The following RCAN2 variants were observed in gnomAD, a reference collection of about 807,000 sequenced individuals.
RCAN2 encodes calcipressin-2.
In RCAN2, 9 loss-of-function variants were observed where a neutral mutation model predicts 23.6. The ratio of observed to expected loss-of-function variants is 0.38; its 90% CI spans 0.23 to 0.67. RCAN2 has a LOEUF of 0.67. Ranked by LOEUF, RCAN2 falls within the 30% of genes least tolerant of loss-of-function variation. RCAN2 has a pLI of 0.51. For missense variants in RCAN2, 273 were observed against 302.3 expected (o/e 0.90, Z 0.72); for synonymous variants, 109 against 115.7 (o/e 0.94, Z 0.37).
intron 2 of RCAN2, among the ~76,000 whole-genome samples, chr6:46,334,018 C>T (rs1266105809): frequency 2.0e-5 from 3 of 152,220 alleles, no homozygotes; most frequent in Admixed American, 1.3e-4. Flanking sequence ...AAAACACATT[C>T]TCACCTCAGG....
chr6:46,404,992 T>C (rs1233871551), intron 2 of RCAN2, among the ~76,000 whole-genome samples: 5 of 152,226 alleles, frequency 3.3e-5, no homozygotes, highest in Non-Finnish European at 5.9e-5. Context: ...AATTGCAATC[T>C]GCTAAGACTC....
chr6:46,276,183 C>A (rs1767693324), intron 2 of RCAN2, among the ~76,000 whole-genome samples: 1 of 151,134 alleles, frequency 6.6e-6, no homozygotes, highest in African/African-American at 2.4e-5. Flanking sequence ...CCACTGCACT[C>A]CAGCCTGAGT....
chr6:46,406,207 G>A (rs7756819), intron 2 of RCAN2, among the ~76,000 whole-genome samples: 7,654 of 152,288 alleles, frequency 0.05, 370 homozygotes, highest in South Asian at 0.13. Context: ...CCAGAAAGGG[G>A]CTCTCACAGT....
intron 2 of RCAN2, among the ~76,000 whole-genome samples, chr6:46,309,949 C>G (rs138435398): frequency 1.0e-3 from 158 of 152,206 alleles, no homozygotes; most frequent in African/African-American, 3.7e-3. Flanking sequence ...TTAGATAGAA[C>G]TGGTCCTCCT....
At chr6:46,491,666 C>T (rs1251324000), upstream of RCAN2, among the ~76,000 whole-genome samples, 1 of 152,080 alleles carries the variant, frequency 6.6e-6, no homozygotes, top group African/African-American at 2.4e-5. Flanking sequence ...GCACCCCCTC[C>T]TTTCCACTTC....
intron 2 of RCAN2, among the ~76,000 whole-genome samples, chr6:46,266,580 C>A (rs1767336523): frequency 6.6e-6 from 1 of 152,166 alleles, no homozygotes. Flanking sequence ...TTTATTTCTG[C>A]TGTTTTGTGT....
intron 1 of RCAN2, among the ~76,000 whole-genome samples, chr6:46,485,939 A>G (rs1488611549): frequency 6.6e-6 from 1 of 152,166 alleles, no homozygotes; most frequent in Non-Finnish European, 1.5e-5. Context: ...AACATTCTTA[A>G]TGCATTATAT....
chr6:46,398,340 A>G (rs1261466725), intron 2 of RCAN2, among the ~76,000 whole-genome samples: 2 of 152,188 alleles, frequency 1.3e-5, no homozygotes, highest in Non-Finnish European at 2.9e-5. Flanking sequence ...ATATATTATA[A>G]CCAAGTTCCT....
chr6:46,443,198 C>T (rs150846238), intron 2 of RCAN2, among the ~76,000 whole-genome samples: 5 of 152,236 alleles, frequency 3.3e-5, no homozygotes, highest in African/African-American at 1.2e-4. Context: ...TATTTTATGT[C>T]TAATTTAACT....
chr6:46,252,525 T>C (rs1359337072), intron 2 of RCAN2, among the ~76,000 whole-genome samples: 1 of 152,212 alleles, frequency 6.6e-6, no homozygotes, highest in Admixed American at 6.5e-5. Flanking sequence ...TTTTTGTAAA[T>C]GTGGGTTTTA....
chr6:46,407,763 G>C (rs550865573), intron 2 of RCAN2, among the ~76,000 whole-genome samples: 2 of 152,290 alleles, frequency 1.3e-5, no homozygotes, highest in East Asian at 3.9e-4. Flanking sequence ...ATTTAACCAA[G>C]TTTGGAAACC....
chr6:46,429,712 A>C (rs766818137), intron 2 of RCAN2, among the ~76,000 whole-genome samples: 1 of 152,134 alleles, frequency 6.6e-6, no homozygotes, highest in African/African-American at 2.4e-5. Context: ...TATGGACCCT[A>C]GGGTCTAATG....
intron 2 of RCAN2, among the ~76,000 whole-genome samples, chr6:46,393,947 C>A (rs753598396): frequency 6.6e-6 from 1 of 152,086 alleles, no homozygotes. Flanking sequence ...AAATCCGGCT[C>A]GGTTTCTTTA....
intron 2 of RCAN2, among the ~76,000 whole-genome samples, chr6:46,436,351 T>C (rs925950137): frequency 6.6e-6 from 1 of 152,248 alleles, no homozygotes; most frequent in Non-Finnish European, 1.5e-5. Context: ...TAGCTGGGAT[T>C]ACAGGCGCGT....
At chr6:46,371,259 C>A (rs1215123543) in intron 2 of RCAN2, among the ~76,000 whole-genome samples, 9 of 152,084 alleles carry the variant, frequency 5.9e-5, no homozygotes, top group Admixed American at 5.9e-4. Flanking sequence ...TAGAGAGAGG[C>A]AGAATTCCCA....
rs79881149 is a variant in RCAN2 at position 46,462,289 on chromosome 6, A to G, written c.-2-5311T>C. Among the ~76,000 whole-genome samples, 492 of 152,338 alleles carry G rather than the reference A, an allele frequency of 3.2e-3. 1 individual carries two copies. Among genetic ancestry groups the G allele is most frequent in the African/African-American group, 0.011 (468 of 41,580 alleles). ...AAAAAACAAACAACCTTTTCCCCCC[A>G]GAAAACATCACCAACAACAAGATGA... On this transcript the variant is annotated intron_variant, in intron 1 of 4. Transcript: ENST00000371374.
intron 2 of RCAN2, among the ~76,000 whole-genome samples, chr6:46,270,210 C>T (rs1018881889): frequency 2.0e-5 from 3 of 152,004 alleles, no homozygotes; most frequent in African/African-American, 4.8e-5. Context: ...GGACTAAGCC[C>T]ACCAGAGTGG....
chr6:46,402,927 C>A (rs148939089), intron 2 of RCAN2, among the ~76,000 whole-genome samples: 1 of 152,038 alleles, frequency 6.6e-6, no homozygotes, highest in Non-Finnish European at 1.5e-5. Flanking sequence ...AGCCCTTGGC[C>A]CCTACAACAC....
At chr6:46,316,552 T>G (rs1763444520) in intron 2 of RCAN2, among the ~76,000 whole-genome samples, 1 of 152,152 alleles carries the variant, frequency 6.6e-6, no homozygotes, top group Non-Finnish European at 1.5e-5. Flanking sequence ...AAAAAGGAAC[T>G]GAGGAGAATA....
Sources: allele counts gnomAD v4.1 joint callset (sites outside exome capture counted in the v4.1 genomes callset), GRCh38; gene constraint gnomAD v4.1.1; transcripts MANE v1.5; gene names NCBI Gene and HGNC (gene_info 2026-07-23, HGNC 2026-07-21).